C16orf78: variants seen among roughly 807,000 people sequenced by gnomAD.
The protein encoded by C16orf78 is uncharacterized protein C16orf78.
In C16orf78, 19 loss-of-function variants were observed where a neutral mutation model predicts 27.3. The observed-to-expected ratio is 0.70, with a 90% confidence interval of 0.49 to 1.02. C16orf78 has a LOEUF of 1.02. Among genes scored for constraint, C16orf78 ranks in the 50% least tolerant of loss-of-function variants. The probability of loss-of-function intolerance (pLI) is 0.00; values close to 1 mark genes in which losing one functional copy is unlikely to be tolerated. For missense variants in C16orf78, 339 were observed against 337.0 expected (o/e 1.01, Z -0.05); for synonymous variants, 130 against 116.1 (o/e 1.12, Z -0.77).
rs1965188028 is a variant in C16orf78, at chr16:49,374,105, G to A, written c.150+16G>A. On this transcript the variant is annotated intron_variant, in intron 1 of 4. Coordinates refer to ENST00000299191, the MANE Select transcript of C16orf78 (RefSeq NM_144602.4). ...AGCTCCCGAGGTGGGTACCATCCAA[G>A]AGAAATGGCAGGAAGACTTTACTCA... The A allele has an allele frequency of 6.2e-7, 1 of 1,612,926 alleles. No individual in the cohort carries two copies.
At chr16:49,396,344 G>A in intron 3 of C16orf78, 79 bp from the exon 4 acceptor site, 2 of 1,513,886 alleles carry the variant, frequency 1.3e-6, no homozygotes, top group Non-Finnish European at 1.8e-6. Context: ...CATTCCTCCA[G>A]CCTTCATCCC....
rs199716634 is a variant in C16orf78 at position 49,399,255 on chromosome 16, G to A, written c.775G>A (p.Gly259Arg). ...CATAGATGCTAAAAAGGTGTTCACCGGAATACCCAGCATGGCCCTCTAAAT... is the reference window on the plus strand; with the variant it reads ...CATAGATGCTAAAAAGGTGTTCACCAGAATACCCAGCATGGCCCTCTAAAT... ...EDIDAKKVFT[G>R]IPSMAL is the part of the protein sequence containing the mutation. The change falls in exon 5 of 5, where the codon GGA becomes AGA. Residue 259 changes from glycine to arginine, a missense_variant. Physicochemically the swap from Gly to Arg is moderately radical, Grantham distance 125. Transcript: ENST00000299191. The A allele has an allele frequency of 1.1e-4, 182 of 1,614,134 alleles. 1 individual carries two copies. Among genetic ancestry groups the A allele is most frequent in the Middle Eastern group, 1.7e-4 (1 of 6,060 alleles).
At position 49,373,855 on chromosome 16, in the gene C16orf78, C is replaced by A; in HGVS notation, c.-85C>A. On this transcript the variant is annotated 5_prime_UTR_variant, in exon 1 of 5. Coordinates refer to ENST00000299191, the MANE Select transcript of C16orf78 (RefSeq NM_144602.4). ...AGGCCACACCCTACCTTCTAAGTCACCAGGCCATCAAGTCCAGACAAAGGG... is the reference window on the plus strand; with the variant it reads ...AGGCCACACCCTACCTTCTAAGTCAACAGGCCATCAAGTCCAGACAAAGGG... 6.5e-7 allele frequency: 1 copy of A among 1,534,890 alleles called. No homozygotes were observed. Among genetic ancestry groups the A allele is most frequent in the South Asian group, 1.2e-5 (1 of 81,726 alleles).
chr16:49,381,547 T>G (rs1402726013), intron 3 of C16orf78, among the ~76,000 whole-genome samples: 1 of 151,902 alleles, frequency 6.6e-6, no homozygotes, highest in Admixed American at 6.6e-5. Flanking sequence ...GAATCTACAA[T>G]GAACTCAAAC....
chr16:49,377,769 T>G lies in C16orf78; in HGVS notation c.189T>G (p.Asn63Lys). 6.2e-7 allele frequency: 1 copy of G among 1,601,196 alleles called. No individual in the cohort carries two copies. Among genetic ancestry groups the G allele is most frequent in the Non-Finnish European group, 8.5e-7 (1 of 1,174,006 alleles). ...KPKVVTVLKR[N>K]KKKEEKKGKG... ...AAGTGGTGACAGTCCTTAAACGAAA[T>G]AAGAAGAAGGAAGAGAAGAAAGGCA... Residue 63 changes from asparagine (N) to lysine (K), a missense_variant, in exon 2 of 5, where the codon AAT becomes AAG. Transcript: ENST00000299191.
intron 2 of C16orf78, 96 bp from the exon 3 acceptor site, chr16:49,378,373 TG>T: frequency 6.7e-7 from 1 of 1,485,136 alleles, no homozygotes; most frequent in Non-Finnish European, 8.9e-7. Context: ...GCCTGCCTTT[TG>T]GCAAACCCTT....
At chr16:49,383,069 C>G (rs1314017096) in intron 3 of C16orf78, among the ~76,000 whole-genome samples, 1 of 152,210 alleles carries the variant, frequency 6.6e-6, no homozygotes, top group African/African-American at 2.4e-5. Context: ...AAGTCGAATC[C>G]ACTCTATTGG....
At chr16:49,374,146 G>A (rs778428898) in intron 1 of C16orf78, 57 bp downstream of exon 1, 73 of 1,592,496 alleles carry the variant, frequency 4.6e-5, no homozygotes, top group Admixed American at 8.7e-5. Flanking sequence ...GTTGCAGTAG[G>A]GGAGAGAGAT....
chr16:49,389,252 G>A (rs946653930), intron 3 of C16orf78, among the ~76,000 whole-genome samples: 12 of 151,930 alleles, frequency 7.9e-5, no homozygotes, highest in African/African-American at 1.9e-4. Flanking sequence ...GCAAAACCCC[G>A]TCTCTACTAA....
chr16:49,382,316 A>T (rs1385794854), intron 3 of C16orf78, among the ~76,000 whole-genome samples: 4 of 152,162 alleles, frequency 2.6e-5, no homozygotes, highest in Non-Finnish European at 4.4e-5. Context: ...CTAATGCTAG[A>T]TGACGAGTTA....
chr16:49,381,978 G>A (rs973079156), intron 3 of C16orf78, among the ~76,000 whole-genome samples: 54 of 151,608 alleles, frequency 3.6e-4, no homozygotes, highest in Non-Finnish European at 6.8e-4. Flanking sequence ...TGTTTATTGC[G>A]GCATTATTCA....
At chr16:49,374,136 G>T (rs372674431) in intron 1 of C16orf78, 47 bp downstream of exon 1, 2 of 1,605,596 alleles carry the variant, frequency 1.2e-6, no homozygotes, top group African/African-American at 2.7e-5. Context: ...ACTCAAGGTA[G>T]TTGCAGTAGG....
chr16:49,388,136 T>A (rs1011345767), intron 3 of C16orf78, among the ~76,000 whole-genome samples: 1 of 151,922 alleles, frequency 6.6e-6, no homozygotes, highest in African/African-American at 2.4e-5. Context: ...AAAAAAAAAT[T>A]TTTTTTTAAA....
chr16:49,392,541 G>C (rs1379402503), intron 3 of C16orf78, among the ~76,000 whole-genome samples: 1 of 152,012 alleles, frequency 6.6e-6, no homozygotes, highest in African/African-American at 2.4e-5. Flanking sequence ...AGTAAAAGAG[G>C]GATCTTTTTA....
intron 4 of C16orf78, among the ~76,000 whole-genome samples, chr16:49,398,500 C>G (rs901679765): frequency 6.6e-6 from 1 of 152,344 alleles, no homozygotes; most frequent in Middle Eastern, 3.4e-3. Flanking sequence ...AAAACAAATG[C>G]TCACCGCTAT....
chr16:49,387,454 C>A (rs931075584), intron 3 of C16orf78, among the ~76,000 whole-genome samples: 24 of 152,074 alleles, frequency 1.6e-4, no homozygotes, highest in Admixed American at 1.3e-4. Flanking sequence ...GGTTTGTCAG[C>A]ATTTTGTTGA....
intron 3 of C16orf78, among the ~76,000 whole-genome samples, chr16:49,378,879 G>A (rs1174885793): frequency 2.6e-5 from 4 of 152,206 alleles, no homozygotes; most frequent in African/African-American, 9.6e-5. Context: ...CCAGGTTCCT[G>A]AAGCTATTTT....
chr16:49,377,715 TC>T lies in C16orf78; in HGVS notation c.151-13del. On this transcript the variant is annotated splice_polypyrimidine_tract_variant and intron_variant, in intron 1 of 4. Transcript: ENST00000299191. ...CACAGCAGTGGCTGCAGGGCTCTCT[TC>T]CCTTGTCTTTTCAGAAGCAAAAGCC... 3.1e-6 allele frequency: 5 copies of T among 1,599,728 alleles called. No homozygotes were observed. The highest frequency in any genetic ancestry group is 4.3e-6 in the Non-Finnish European group (5 of 1,173,496).
intron 3 of C16orf78, among the ~76,000 whole-genome samples, chr16:49,379,268 T>A (rs1301280692): frequency 2.0e-5 from 3 of 152,122 alleles, no homozygotes; most frequent in African/African-American, 7.2e-5. Context: ...ATTAGTGGTT[T>A]TTTTCTAAGT....
Sources: gnomAD v4.1 joint callset for allele counts (sites outside exome capture counted in the v4.1 genomes callset) on GRCh38, gnomAD v4.1.1 for gene constraint, MANE v1.5 for transcripts, NCBI Gene and HGNC (gene_info 2026-07-23, HGNC 2026-07-21) for gene names.